The following LMBR1 variants were observed in gnomAD, a reference collection of about 807,000 sequenced individuals.
LMBR1 encodes the protein limb region 1 protein homolog.
LMBR1 carries 52 observed loss-of-function variants against 73.9 expected under a neutral mutation model. The ratio of observed to expected loss-of-function variants is 0.70; its 90% CI spans 0.56 to 0.89. LMBR1 has a LOEUF of 0.89. LMBR1 is among the 40% of genes least tolerant of loss of function. The pLI is 0.00. For missense variants in LMBR1, 539 were observed against 579.8 expected (o/e 0.93, Z 0.72); for synonymous variants, 215 against 209.4 (o/e 1.03, Z -0.23).
chr7:156,686,577 G>C (rs934335241), intron 16 of LMBR1, among the ~76,000 whole-genome samples: 2 of 152,134 alleles, frequency 1.3e-5, no homozygotes, highest in Non-Finnish European at 2.9e-5. Flanking sequence ...GTATCTATTA[G>C]GTAGTTTTAT....
In LMBR1 at chr7:156,740,165, G is replaced by A. The variant is rs1818622345; in HGVS notation, c.758-5908C>T. ...ACTGATCAAGCAGAAGAAAGAACTG[G>A]TGAGCTTGAAGACAGGCTGTTTGAA... On this transcript the variant is annotated intron_variant, in intron 9 of 16. Coordinates refer to ENST00000353442, the MANE Select transcript of LMBR1 (RefSeq NM_022458.4). Among the ~76,000 whole-genome samples the A allele has an allele frequency of 2.0e-5, 3 of 152,088 alleles. No homozygotes were observed. The South Asian group carries it at 6.2e-4, about 32-fold the overall frequency.
chr7:156,847,271 A>C (rs1167648044), intron 1 of LMBR1, among the ~76,000 whole-genome samples: 1 of 152,182 alleles, frequency 6.6e-6, no homozygotes, highest in Non-Finnish European at 1.5e-5. Flanking sequence ...TATACACTTC[A>C]CAACAATTAA....
intron 4 of LMBR1, among the ~76,000 whole-genome samples, chr7:156,802,574 CAT>C (rs957769262): frequency 1.7e-4 from 26 of 152,090 alleles, no homozygotes; most frequent in Non-Finnish European, 3.2e-4. Flanking sequence ...AAAATTATAA[CAT>C]ATACAAATAT....
intron 9 of LMBR1, among the ~76,000 whole-genome samples, chr7:156,745,868 G>C (rs1398905943): frequency 6.6e-6 from 1 of 152,164 alleles, no homozygotes; most frequent in African/African-American, 2.4e-5. Flanking sequence ...AGTGTTTTCA[G>C]AGTTCATGAG....
At chr7:156,720,686 A>G (rs1014378547) in intron 15 of LMBR1, among the ~76,000 whole-genome samples, 4 of 151,582 alleles carry the variant, frequency 2.6e-5, no homozygotes, top group African/African-American at 9.7e-5. Flanking sequence ...GTTAATAATA[A>G]TAAGTCATAT....
In LMBR1 at chr7:156,885,602, C is replaced by T. The variant is rs149867428; in HGVS notation, c.66+7326G>A. 5.7e-3 allele frequency among the ~76,000 whole-genome samples: 865 copies of T among 152,126 alleles called. 10 individuals are homozygous for T. The highest frequency in any genetic ancestry group is 0.02 in the African/African-American group (828 of 41,490). ...ACCCGTCCATACAAAAATGGCCAGACGCATTGACTCACACCTGTAATCCCA... is the reference window on the plus strand; with the variant it reads ...ACCCGTCCATACAAAAATGGCCAGATGCATTGACTCACACCTGTAATCCCA... On this transcript the variant is annotated intron_variant, in intron 1 of 16. Transcript: ENST00000353442.
intron 9 of LMBR1, among the ~76,000 whole-genome samples, chr7:156,750,281 T>C (rs1371005759): frequency 2.0e-5 from 3 of 147,348 alleles, no homozygotes; most frequent in Non-Finnish European, 4.5e-5. Flanking sequence ...ATGTTAAGTG[T>C]GCGTGTGTGT....
intron 15 of LMBR1, among the ~76,000 whole-genome samples, chr7:156,706,348 T>C (rs750902311): frequency 4.6e-5 from 7 of 152,198 alleles, no homozygotes; most frequent in East Asian, 1.9e-4. Context: ...ACCCTATTCA[T>C]AGCTTATCGA....
intron 16 of LMBR1, among the ~76,000 whole-genome samples, chr7:156,684,491 G>A (rs1805598583): frequency 6.6e-6 from 1 of 152,192 alleles, no homozygotes; most frequent in Non-Finnish European, 1.5e-5. Context: ...GGCCAGCGGA[G>A]GCTTCCAGTG....
intron 1 of LMBR1, among the ~76,000 whole-genome samples, chr7:156,855,944 A>G (rs1024700235): frequency 6.6e-6 from 1 of 152,112 alleles, no homozygotes; most frequent in Non-Finnish European, 1.5e-5. Flanking sequence ...AAAATAAAGG[A>G]GAGCACTTTG....
At chr7:156,824,126 CAAT>C (rs1186388337) in intron 4 of LMBR1, among the ~76,000 whole-genome samples, 16 of 140,730 alleles carry the variant, frequency 1.1e-4, no homozygotes, top group Middle Eastern at 3.5e-3. Flanking sequence ...ACAACAACAA[CAAT>C]ATATATATAC....
intron 1 of LMBR1, among the ~76,000 whole-genome samples, chr7:156,880,047 A>G (rs1800835497): frequency 6.6e-6 from 1 of 152,268 alleles, no homozygotes; most frequent in Admixed American, 6.5e-5. Flanking sequence ...AGATACTTGC[A>G]TACACGTTTA....
chr7:156,709,037 A>G (rs1301312879), intron 15 of LMBR1, among the ~76,000 whole-genome samples: 4 of 152,202 alleles, frequency 2.6e-5, no homozygotes, highest in Non-Finnish European at 4.4e-5. Flanking sequence ...ATCAGAACCC[A>G]GACCCACCTG....
chr7:156,864,558 T>C (rs1230899211), intron 1 of LMBR1, among the ~76,000 whole-genome samples: 1 of 152,192 alleles, frequency 6.6e-6, no homozygotes, highest in Non-Finnish European at 1.5e-5. Context: ...GAGGTTTTTA[T>C]GAGAAAATAA....
At chr7:156,741,194 A>G (rs1818826422) in intron 9 of LMBR1, among the ~76,000 whole-genome samples, 1 of 152,244 alleles carries the variant, frequency 6.6e-6, no homozygotes, top group Non-Finnish European at 1.5e-5. Context: ...TAAATCCTAC[A>G]ACCAGAGAAA....
chr7:156,800,280 T>C (rs765659188), intron 4 of LMBR1, among the ~76,000 whole-genome samples: 9 of 152,148 alleles, frequency 5.9e-5, no homozygotes, highest in Non-Finnish European at 1.0e-4. Flanking sequence ...ACTCACTTGT[T>C]AGGGGCAAAT....
At position 156,727,993 on chromosome 7, in the gene LMBR1, G is replaced by C. The variant is rs1160309563; in HGVS notation, c.930C>G (p.Leu310=). The change falls in exon 12 of 17, where the codon CTC becomes CTG. Residue 310 remains leucine, a synonymous_variant. Coordinates refer to ENST00000353442, the MANE Select transcript of LMBR1 (RefSeq NM_022458.4). ...LLLIETSISV[L]LVACNILCLL... is the part of the protein sequence containing the mutation. ...GGCAAAGAATATTACAAGCCACCAA[G>C]AGGACCGAGATGGACTACAAGACAA... is the stretch of plus-strand genomic sequence containing the variant. 6.2e-7 allele frequency: 1 copy of C among 1,613,124 alleles called. No homozygotes were observed. Among genetic ancestry groups the C allele is most frequent in the Admixed American group, 1.7e-5 (1 of 59,984 alleles).
At chr7:156,741,952 T>G (rs1006394125) in intron 9 of LMBR1, among the ~76,000 whole-genome samples, 2 of 152,126 alleles carry the variant, frequency 1.3e-5, no homozygotes, top group Non-Finnish European at 2.9e-5. Context: ...AAGTATCTTC[T>G]CTGGCCATAA....
At chr7:156,710,968 A>AT (rs764278391) in intron 15 of LMBR1, among the ~76,000 whole-genome samples, 7 of 152,212 alleles carry the variant, frequency 4.6e-5, no homozygotes, top group Non-Finnish European at 7.3e-5. Flanking sequence ...CTAGGAGAAT[A>AT]TTTAGCCAAG....
Sources: gnomAD v4.1 joint callset for allele counts (sites outside exome capture counted in the v4.1 genomes callset) on GRCh38, gnomAD v4.1.1 for gene constraint, MANE v1.5 for transcripts, NCBI Gene and HGNC (gene_info 2026-07-23, HGNC 2026-07-21) for gene names.